RAB30: variants seen among roughly 807,000 people sequenced by gnomAD.
The protein encoded by RAB30 is ras-related protein Rab-30.
A neutral mutation model predicts 25.1 loss-of-function variants in RAB30; 9 were observed. The observed-to-expected ratio is 0.36, with a 90% CI of 0.22 to 0.63. The LOEUF is 0.63. RAB30 is among the 20% of genes least tolerant of loss of function. The pLI is 0.69. For missense variants in RAB30, 140 were observed against 243.5 expected, an observed-to-expected ratio of 0.58 and a Z score of 2.83; for synonymous variants, 77 against 86.4, an observed-to-expected ratio of 0.89 and a Z score of 0.60.
At chr11:83,026,893 A>C (rs931419621) in intron 1 of RAB30, among the ~76,000 whole-genome samples, 3 of 152,230 alleles carry the variant, frequency 2.0e-5, no homozygotes, top group African/African-American at 7.2e-5. Context: ...ATGAACAAGT[A>C]GTAATTGACT....
chr11:82,983,672 G>A (rs1590832080), intron 4 of RAB30, among the ~76,000 whole-genome samples: 1 of 151,826 alleles, frequency 6.6e-6, no homozygotes, highest in African/African-American at 2.4e-5. Flanking sequence ...GAGCTTAAGC[G>A]ATCCACCTGC....
intron 1 of RAB30, among the ~76,000 whole-genome samples, chr11:83,050,917 C>A (rs1373218356): frequency 1.3e-5 from 2 of 152,118 alleles, no homozygotes; most frequent in African/African-American, 2.4e-5. Context: ...GCAGCCTGGG[C>A]AACAAAGCGA....
rs1856613639 is a variant in RAB30, at chr11:82,980,120, A to C, written c.*2045T>G. 1.3e-5 allele frequency: 2 copies of C among 152,222 alleles called. No individual in the cohort carries two copies. 9.4% of individuals were successfully genotyped at this position (152,222 alleles called of 1,614,324 possible). A position where few individuals can be genotyped will look rare whatever the true frequency, so the allele number is the denominator to read the frequency against. On this transcript the variant is annotated 3_prime_UTR_variant, in exon 5 of 5. Transcript: ENST00000527633. ...AGGAACATTTTCTTACAGTTTAAAA[A>C]AAATTCTTCTGCCCTCCTTGATTAA...
chr11:83,062,476 G>A (rs1420744030), intron 1 of RAB30, among the ~76,000 whole-genome samples: 2 of 152,150 alleles, frequency 1.3e-5, no homozygotes, highest in South Asian at 2.1e-4. Flanking sequence ...AACACTGGCT[G>A]AAGAAGGAAC....
chr11:82,984,591 C>T (rs1332008421), intron 4 of RAB30, among the ~76,000 whole-genome samples: 2 of 152,176 alleles, frequency 1.3e-5, no homozygotes, highest in Non-Finnish European at 2.9e-5. Context: ...GGAACGCTAG[C>T]AGAACCTAAT....
At position 82,979,077 on chromosome 11, in the gene RAB30, A is replaced by G. The variant is rs150241122; in HGVS notation, c.*3088T>C. The G allele has an allele frequency of 3.6e-4, 55 of 152,326 alleles. No homozygotes were observed. Among genetic ancestry groups the G allele is most frequent in the African/African-American group, 1.2e-3 (48 of 41,590 alleles). The allele number at this position is 152,326 out of a possible 1,614,324, so 9.4% of individuals were successfully genotyped here. A position where few individuals can be genotyped will look rare whatever the true frequency, so the allele number is the denominator to read the frequency against. On this transcript the variant is annotated 3_prime_UTR_variant, in exon 5 of 5. Transcript: ENST00000527633. ...ATTCAAAAAATATTAATATAATTCA[A>G]CAGATTTAATAAAAGCACACAAAGG...
chr11:83,050,175 G>A (rs996841050), intron 1 of RAB30, among the ~76,000 whole-genome samples: 1 of 151,928 alleles, frequency 6.6e-6, no homozygotes, highest in Non-Finnish European at 1.5e-5. Flanking sequence ...AGGACTACTT[G>A]AGCCTGGGAG....
chr11:83,050,908 C>A (rs181663333), intron 1 of RAB30, among the ~76,000 whole-genome samples: 7 of 152,282 alleles, frequency 4.6e-5, no homozygotes, highest in Admixed American at 1.3e-4. Flanking sequence ...CACTGTACTG[C>A]AGCCTGGGCA....
chr11:83,048,859 G>A (rs1292982208), intron 1 of RAB30, among the ~76,000 whole-genome samples: 3 of 152,194 alleles, frequency 2.0e-5, no homozygotes, highest in Admixed American at 2.0e-4. Flanking sequence ...TCCCATTGCT[G>A]TAAGCCCTGC....
intron 3 of RAB30, among the ~76,000 whole-genome samples, chr11:82,989,861 C>G (rs1856815816): frequency 6.6e-6 from 1 of 152,194 alleles, no homozygotes; most frequent in South Asian, 2.1e-4. Context: ...TTCATTTGCG[C>G]CTTTCGGCAT....
Position 82,982,281 on chromosome 11 carries a change from A to G in RAB30, c.496T>C (p.Leu166=). Residue 166 remains leucine, a synonymous_variant, in exon 5 of 5, where the codon TTA becomes CTA. Transcript: ENST00000527633. The part of the protein sequence containing the change: ...SDNVEKLFLD[L]ACRLISEARQ... The stretch of plus-strand genomic sequence containing the variant: ...GCTTCACTGATGAGTCGGCATGCTA[A>G]GTCAAGGAAGAGTTTCTCCACATTA... The G allele has an allele frequency of 6.2e-7, 1 of 1,614,248 alleles. No individual in the cohort carries two copies. Among genetic ancestry groups the G allele is most frequent in the Non-Finnish European group, 8.5e-7 (1 of 1,180,044 alleles).
At position 82,977,688 on chromosome 11, in the gene RAB30, C is replaced by A. The variant is rs1174738464; in HGVS notation, c.*4477G>T. ...TTCCCCTCTTTTTCCTAACCTAAGT[C>A]TCCCCAAATCCTTCAAGTATTCTTT... is the stretch of plus-strand genomic sequence containing the variant. On this transcript the variant is annotated 3_prime_UTR_variant, in exon 5 of 5. Coordinates refer to ENST00000527633, the MANE Select transcript of RAB30 (RefSeq NM_001286060.2). 6.6e-6 allele frequency: 1 copy of A among 152,154 alleles called. No individual in the cohort carries two copies. The highest frequency in any genetic ancestry group is 1.5e-5 in the Non-Finnish European group (1 of 68,022). 9.4% of individuals were successfully genotyped at this position (152,154 alleles called of 1,614,324 possible). A position where few individuals can be genotyped will look rare whatever the true frequency, so the allele number is the denominator to read the frequency against.
intron 1 of RAB30, among the ~76,000 whole-genome samples, chr11:83,024,482 A>C (rs979647707): frequency 1.3e-5 from 2 of 152,216 alleles, no homozygotes; most frequent in Non-Finnish European, 2.9e-5. Flanking sequence ...AGTTTTATGG[A>C]AGGCAATGTC....
chr11:83,054,698 GA>G (rs34041776), intron 1 of RAB30, among the ~76,000 whole-genome samples: 296 of 147,392 alleles, frequency 2.0e-3, no homozygotes, highest in African/African-American at 6.5e-3. Flanking sequence ...CTGTGTCTAC[GA>G]AAAAAAAAAA....
At chr11:83,071,254 C>T (rs1349166770) in intron 1 of RAB30, 1 of 152,230 alleles carries the variant, frequency 6.6e-6, no homozygotes, top group Non-Finnish European at 1.5e-5. Flanking sequence ...AAGCGACATT[C>T]AAATGTTCTA....
At chr11:82,987,540 C>A in intron 4 of RAB30, 47 bp downstream of exon 4, 1 of 1,532,778 alleles carries the variant, frequency 6.5e-7, no homozygotes, top group Non-Finnish European at 8.9e-7. Context: ...ATTATAAATC[C>A]TCTAATGCCC....
At chr11:83,017,095 C>G (rs1296087970) in intron 1 of RAB30, among the ~76,000 whole-genome samples, 1 of 152,102 alleles carries the variant, frequency 6.6e-6, no homozygotes, top group Non-Finnish European at 1.5e-5. Context: ...TCCTAGCACT[C>G]TGGGAGGCTG....
Position 82,994,125 on chromosome 11 carries a change from G to A in RAB30, c.94-3C>T, listed in dbSNP as rs755846589. On this transcript the variant is annotated splice_polypyrimidine_tract_variant and splice_region_variant and intron_variant, in intron 2 of 4. Transcript: ENST00000527633. Reference sequence around the variant, plus strand: ...CCTTGACCTGGGGGGAAAAGACCCTGAAGAAGAAATAATAGAAAAGAACAG... The same window carrying A: ...CCTTGACCTGGGGGGAAAAGACCCTAAAGAAGAAATAATAGAAAAGAACAG... The A allele has an allele frequency of 3.3e-5, 53 of 1,597,632 alleles. No individual in the cohort carries two copies. The African/African-American group carries it at 6.5e-4, about 19-fold the overall frequency.
intron 1 of RAB30, chr11:83,034,862 A>C (rs1857952316): frequency 6.6e-6 from 1 of 152,156 alleles, no homozygotes; most frequent in African/African-American, 2.4e-5. Context: ...GAGGGGAAGC[A>C]AGACTGAAAG....
Sources: allele counts gnomAD v4.1 joint callset (sites outside exome capture counted in the v4.1 genomes callset), GRCh38; gene constraint gnomAD v4.1.1; transcripts MANE v1.5; gene names NCBI Gene and HGNC (gene_info 2026-07-23, HGNC 2026-07-21).